POPDC2: variants seen among roughly 807,000 people sequenced by gnomAD.
The protein encoded by POPDC2 is popeye domain-containing protein 2.
A neutral mutation model predicts 30.5 loss-of-function variants in POPDC2; 24 were observed. That is an observed-to-expected ratio of 0.79 (90% CI 0.57 to 1.11). The LOEUF (loss-of-function observed/expected upper bound fraction) is 1.11. Among genes scored for constraint, POPDC2 ranks in the 50% least tolerant of loss-of-function variants. The pLI is 0.00. For missense variants in POPDC2, 409 were observed against 447.0 expected (o/e 0.91, Z 0.77); for synonymous variants, 185 against 183.3 (o/e 1.01, Z -0.07).
chr3:119,648,262 A>G lies in POPDC2; in HGVS notation c.1007T>C (p.Leu336Pro). 2 of 1,613,562 alleles carry G rather than the reference A, an allele frequency of 1.2e-6. No individual in the cohort carries two copies. The highest frequency in any genetic ancestry group is 1.7e-6 in the Non-Finnish European group (2 of 1,179,814). The change falls in exon 3 of 4, where the codon CTG becomes CCG. Residue 336 changes from leucine to proline, a missense_variant. Physicochemically the swap from Leu to Pro is moderately conservative, Grantham distance 98. Coordinates refer to ENST00000493094, the MANE Select transcript of POPDC2 (RefSeq NM_001369919.2). ...CACCAGACTGGTGGAGTCCTCACCC[A>G]GTATGCCACTGTCTGGCCTGGACAA... The part of the protein sequence containing the change: ...ARLSRPDSGI[L>P]GEDSTSLVLE...
At chr3:119,653,678 C>A (rs2052843834) in intron 2 of POPDC2, among the ~76,000 whole-genome samples, 1 of 152,104 alleles carries the variant, frequency 6.6e-6, no homozygotes, top group Non-Finnish European at 1.5e-5. Context: ...GGGATTTCAT[C>A]GTGTTAGCCA....
intron 2 of POPDC2, among the ~76,000 whole-genome samples, chr3:119,654,273 G>C (rs1181054346): frequency 6.6e-6 from 1 of 152,178 alleles, no homozygotes; most frequent in Non-Finnish European, 1.5e-5. Flanking sequence ...TCTTCCAGAA[G>C]AGTTTAAGCA....
At chr3:119,644,875 T>G (rs2107812347) in intron 3 of POPDC2, among the ~76,000 whole-genome samples, 1 of 152,354 alleles carries the variant, frequency 6.6e-6, no homozygotes, top group South Asian at 2.1e-4. Flanking sequence ...AATAACCTTA[T>G]AGCAAGTTTG....
At chr3:119,651,236 T>C (rs2052804592) in intron 2 of POPDC2, among the ~76,000 whole-genome samples, 1 of 152,192 alleles carries the variant, frequency 6.6e-6, no homozygotes, top group Admixed American at 6.5e-5. Context: ...GATATGCTTT[T>C]CCCAGATATT....
intron 1 of POPDC2, among the ~76,000 whole-genome samples, chr3:119,659,661 C>T (rs904768605): frequency 2.0e-5 from 3 of 152,204 alleles, no homozygotes; most frequent in Admixed American, 6.5e-5. Flanking sequence ...TCAAGACACA[C>T]GCACTGCACA....
At chr3:119,648,949 G>C (rs75107490) in intron 2 of POPDC2, among the ~76,000 whole-genome samples, 1,715 of 152,270 alleles carry the variant, frequency 0.011, 27 homozygotes, top group African/African-American at 0.038. Context: ...TTCCTCAACT[G>C]TAATTCTGTG....
chr3:119,658,634 T>C (rs1241784481), intron 1 of POPDC2, among the ~76,000 whole-genome samples: 1 of 152,268 alleles, frequency 6.6e-6, no homozygotes, highest in East Asian at 1.9e-4. Context: ...TATGTATTTG[T>C]ATTTACATCT....
Position 119,642,279 on chromosome 3 carries a change from A to T in POPDC2, c.*326T>A. 2.2e-6 allele frequency: 1 copy of T among 455,344 alleles called. No homozygotes were observed. Among genetic ancestry groups the T allele is most frequent in the Non-Finnish European group, 4.0e-6 (1 of 248,450 alleles). 28.2% of individuals were successfully genotyped at this position (455,344 alleles called of 1,614,324 possible). A position where few individuals can be genotyped will look rare whatever the true frequency, so the allele number is the denominator to read the frequency against. On this transcript the variant is annotated 3_prime_UTR_variant, in exon 4 of 4. Transcript: ENST00000493094. Reference sequence around the variant, plus strand: ...CTGCACTACCAATGCCTGCTCCTGAAGGAAGGTTTGTGAGGGTGAATTTCT... The same window carrying T: ...CTGCACTACCAATGCCTGCTCCTGATGGAAGGTTTGTGAGGGTGAATTTCT...
intron 1 of POPDC2, among the ~76,000 whole-genome samples, chr3:119,657,358 G>A (rs545209920): frequency 1.8e-4 from 28 of 152,176 alleles, no homozygotes; most frequent in Admixed American, 1.3e-3. Context: ...GTATACATGC[G>A]TGTATACAAA....
intron 3 of POPDC2, chr3:119,643,452 G>T (rs1160494611): frequency 1.3e-6 from 2 of 1,518,150 alleles, no homozygotes; most frequent in Non-Finnish European, 1.8e-6. Context: ...ATCTATCTCT[G>T]ATAAAAGAAA....
chr3:119,647,460 T>C (rs548609700), intron 3 of POPDC2, among the ~76,000 whole-genome samples: 1 of 152,302 alleles, frequency 6.6e-6, no homozygotes, highest in South Asian at 2.1e-4. Flanking sequence ...TTTATGCACA[T>C]CCTACCTCCC....
rs2052698998 is a variant in POPDC2 at position 119,642,328 on chromosome 3, G to C, written c.*277C>G. 1 of 589,804 alleles carries C rather than the reference G, an allele frequency of 1.7e-6. No homozygotes were observed. The highest frequency in any genetic ancestry group is 3.1e-6 in the Non-Finnish European group (1 of 326,216). 36.5% of individuals were successfully genotyped at this position (589,804 alleles called of 1,614,324 possible). A position where few individuals can be genotyped will look rare whatever the true frequency, so the allele number is the denominator to read the frequency against. ...CTCAAAGTCACTTCAGGTCCTTACT[G>C]TAGCGACAGTGTTGGCACCTTCTGT... On this transcript the variant is annotated 3_prime_UTR_variant, in exon 4 of 4. Transcript: ENST00000493094.
intron 1 of POPDC2, among the ~76,000 whole-genome samples, chr3:119,659,609 T>C (rs1284015249): frequency 1.3e-5 from 2 of 152,226 alleles, no homozygotes; most frequent in Non-Finnish European, 2.9e-5. Context: ...GACACACTGA[T>C]ATGTGTGTGG....
rs1028827534 is a variant in POPDC2 at position 119,643,366 on chromosome 3, C to A, written c.*44-805G>T. ...CTTTAGGCCTCCACTTTTTGCTGTA[C>A]CTTTTGTTGTCAGGGGATTCTGCCA... On this transcript the variant is annotated intron_variant, in intron 3 of 3. Transcript: ENST00000493094. 6 of 1,533,668 alleles carry A rather than the reference C, an allele frequency of 3.9e-6. No homozygotes were observed. In the Admixed American group the frequency reaches 1.2e-4, roughly 30 times the overall value.
intron 3 of POPDC2, among the ~76,000 whole-genome samples, chr3:119,643,774 A>G (rs965020293): frequency 3.3e-5 from 5 of 152,180 alleles, no homozygotes; most frequent in Non-Finnish European, 5.9e-5. Flanking sequence ...ATCACCTTAT[A>G]AAATCCCTGA....
chr3:119,650,172 C>G (rs538832998), intron 2 of POPDC2, among the ~76,000 whole-genome samples: 1 of 152,182 alleles, frequency 6.6e-6, no homozygotes, highest in Non-Finnish European at 1.5e-5. Flanking sequence ...GCAAGAACTA[C>G]GCCGAATGTA....
Position 119,648,272 on chromosome 3 carries a change from T to C in POPDC2, c.997A>G (p.Ser333Gly). ...GTGGAGTCCTCACCCAGTATGCCAC[T>C]GTCTGGCCTGGACAACCTGGCCCGG... ...PTRARLSRPDSGILGEDSTSL... is the reference protein window; with the variant it reads ...PTRARLSRPDGGILGEDSTSL... The change falls in exon 3 of 4, where the codon AGT becomes GGT. Residue 333 changes from serine (S) to glycine (G), a missense_variant. Coordinates refer to ENST00000493094, the MANE Select transcript of POPDC2 (RefSeq NM_001369919.2). The C allele has an allele frequency of 1.2e-6, 2 of 1,613,958 alleles. No individual in the cohort carries two copies. The highest frequency in any genetic ancestry group is 1.1e-5 in the South Asian group (1 of 91,026).
rs80286934 is a variant in POPDC2, at chr3:119,652,864, G to T, written c.600+1641C>A. Among the ~76,000 whole-genome samples, 421 of 152,346 alleles carry T rather than the reference G, an allele frequency of 2.8e-3. 13 individuals carry two copies. The East Asian group carries it at 0.038, about 14-fold the overall frequency. On this transcript the variant is annotated intron_variant, in intron 2 of 3. Coordinates refer to ENST00000493094, the MANE Select transcript of POPDC2 (RefSeq NM_001369919.2). Reference sequence around the variant, plus strand: ...GCCAAGTGTCAGGGTGGGGGCAGAAGCAGGCCCTGCCAGGTAGCACTGCCC... The same window carrying T: ...GCCAAGTGTCAGGGTGGGGGCAGAATCAGGCCCTGCCAGGTAGCACTGCCC...
intron 3 of POPDC2, 90 bp from the exon 4 acceptor site, chr3:119,642,651 C>A: frequency 2.3e-6 from 2 of 851,466 alleles, no homozygotes; most frequent in South Asian, 1.6e-5. Flanking sequence ...TTTTTCTTTC[C>A]TTTACCAATT....
Sources: gnomAD v4.1 joint callset for allele counts (sites outside exome capture counted in the v4.1 genomes callset) on GRCh38, gnomAD v4.1.1 for gene constraint, MANE v1.5 for transcripts, NCBI Gene and HGNC (gene_info 2026-07-23, HGNC 2026-07-21) for gene names.